Variants in MCTP1 observed in about 807,000 individuals in gnomAD.
The protein encoded by MCTP1 is multiple C2 and transmembrane domain-containing protein 1.
Under a neutral mutation model 120.6 loss-of-function variants are expected in MCTP1, and 69 were observed. The ratio of observed to expected loss-of-function variants is 0.57; its 90% CI spans 0.47 to 0.70. The LOEUF is 0.70. Ranked by LOEUF, MCTP1 falls within the 30% of genes least tolerant of loss-of-function variation. The pLI, the probability that MCTP1 is intolerant of heterozygous loss-of-function variation, is 0.00. For missense variants in MCTP1, 1,203 were observed against 1,248.8 expected (o/e 0.96, Z 0.55); for synonymous variants, 529 against 493.1 (o/e 1.07, Z -0.96).
chr5:94,743,924 C>T (rs1766241581), intron 19 of MCTP1, among the ~76,000 whole-genome samples: 1 of 151,942 alleles, frequency 6.6e-6, no homozygotes, highest in Non-Finnish European at 1.5e-5. Context: ...CAGGTGTGAG[C>T]CACTGTGCCC....
At chr5:95,175,534 T>A (rs1747862212) in intron 1 of MCTP1, among the ~76,000 whole-genome samples, 1 of 152,122 alleles carries the variant, frequency 6.6e-6, no homozygotes, top group Non-Finnish European at 1.5e-5. Context: ...ATTAAAAGAA[T>A]ATCCAAAGTA....
intron 1 of MCTP1, among the ~76,000 whole-genome samples, chr5:95,226,898 C>A (rs1170051006): frequency 6.6e-6 from 1 of 151,960 alleles, no homozygotes; most frequent in African/African-American, 2.4e-5. Flanking sequence ...ATTAACAAAA[C>A]AGCTATGCAA....
chr5:94,959,659 C>T (rs1823630277), intron 2 of MCTP1, among the ~76,000 whole-genome samples: 1 of 152,116 alleles, frequency 6.6e-6, no homozygotes, highest in Non-Finnish European at 1.5e-5. Flanking sequence ...TGAGTGAACT[C>T]CCATTAACAA....
chr5:94,723,555 G>GTT (rs34151976), intron 19 of MCTP1, among the ~76,000 whole-genome samples: 102 of 149,514 alleles, frequency 6.8e-4, no homozygotes, highest in East Asian at 3.9e-3. Context: ...ACTTGGCAGA[G>GTT]TTTTTTTTTT....
chr5:94,762,065 G>A (rs1646921583), intron 19 of MCTP1, among the ~76,000 whole-genome samples: 1 of 152,162 alleles, frequency 6.6e-6, no homozygotes, highest in Non-Finnish European at 1.5e-5. Flanking sequence ...GGAAAGAAGT[G>A]CCCCAGTGAG....
chr5:94,823,200 T>C (rs1786090302), intron 17 of MCTP1, among the ~76,000 whole-genome samples: 1 of 152,220 alleles, frequency 6.6e-6, no homozygotes, highest in African/African-American at 2.4e-5. Context: ...TTTAAGTTTT[T>C]AATCCATCTC....
At chr5:95,114,826 T>TA (rs1183171109) in intron 1 of MCTP1, among the ~76,000 whole-genome samples, 1 of 152,102 alleles carries the variant, frequency 6.6e-6, no homozygotes, top group Non-Finnish European at 1.5e-5. Context: ...AGGTAGTAAT[T>TA]ACAGTGGGCT....
At chr5:95,219,177 C>G (rs899461328) in intron 1 of MCTP1, among the ~76,000 whole-genome samples, 1 of 151,910 alleles carries the variant, frequency 6.6e-6, no homozygotes. Flanking sequence ...GTCAGGAGAT[C>G]GAGACCATCC....
chr5:94,913,056 T>C, intron 8 of MCTP1, 80 bp from the exon 9 acceptor site: 1 of 921,206 alleles, frequency 1.1e-6, no homozygotes, highest in South Asian at 2.7e-5. Context: ...TTTCTCCTGT[T>C]ATGATTCTTC....
At chr5:95,245,680 T>C (rs1167182603) in intron 1 of MCTP1, among the ~76,000 whole-genome samples, 1 of 150,276 alleles carries the variant, frequency 6.7e-6, no homozygotes, top group Non-Finnish European at 1.5e-5. Context: ...TGAGACTATG[T>C]GAAAAGACCA....
chr5:95,059,004 A>G (rs568995794), intron 1 of MCTP1, among the ~76,000 whole-genome samples: 1 of 152,256 alleles, frequency 6.6e-6, no homozygotes, highest in African/African-American at 2.4e-5. Context: ...AAGCATATAC[A>G]TGCAAGAATT....
intron 1 of MCTP1, among the ~76,000 whole-genome samples, chr5:95,050,584 C>T (rs1745638469): frequency 6.6e-6 from 1 of 152,182 alleles, no homozygotes; most frequent in African/African-American, 2.4e-5. Context: ...ACCCAGGTAT[C>T]ATAGCTTCTC....
intron 15 of MCTP1, 137 bp from the exon 16 acceptor site, chr5:94,870,628 G>A: frequency 7.0e-6 from 5 of 718,730 alleles, no homozygotes; most frequent in Non-Finnish European, 1.2e-5. Flanking sequence ...AATGTATACA[G>A]TTGCACATGC....
chr5:94,973,975 G>A (rs1251393367), intron 2 of MCTP1, among the ~76,000 whole-genome samples: 2 of 152,056 alleles, frequency 1.3e-5, no homozygotes, highest in Admixed American at 1.3e-4. Flanking sequence ...AGGTCATTGT[G>A]AGGGTTTAAT....
chr5:94,795,516 G>A (rs1377020447), intron 18 of MCTP1, among the ~76,000 whole-genome samples: 1 of 152,172 alleles, frequency 6.6e-6, no homozygotes, highest in Admixed American at 6.5e-5. Flanking sequence ...AGCCTAATAG[G>A]CAATGCCGGT....
intron 1 of MCTP1, among the ~76,000 whole-genome samples, chr5:95,039,416 C>T (rs534452226): frequency 4.6e-5 from 7 of 152,164 alleles, no homozygotes; most frequent in East Asian, 3.9e-4. Context: ...CAAGTGTGTG[C>T]GAAAAGTGTG....
At chr5:95,020,393 C>T (rs1412851382) in intron 1 of MCTP1, among the ~76,000 whole-genome samples, 1 of 152,042 alleles carries the variant, frequency 6.6e-6, no homozygotes, top group East Asian at 1.9e-4. Flanking sequence ...CTTCTCCGGA[C>T]TTATATTTAT....
intron 1 of MCTP1, among the ~76,000 whole-genome samples, chr5:95,160,499 G>A (rs1745600031): frequency 1.3e-5 from 2 of 152,100 alleles, no homozygotes; most frequent in South Asian, 4.1e-4. Flanking sequence ...TATAACAAGA[G>A]ACATTATTTC....
At chr5:94,816,075 A>G (rs1015429577) in intron 17 of MCTP1, among the ~76,000 whole-genome samples, 1 of 152,248 alleles carries the variant, frequency 6.6e-6, no homozygotes, top group Non-Finnish European at 1.5e-5. Context: ...GACTTCTCCC[A>G]TAAAAGAAGT....
Sources: allele counts gnomAD v4.1 joint callset (sites outside exome capture counted in the v4.1 genomes callset), GRCh38; gene constraint gnomAD v4.1.1; transcripts MANE v1.5; gene names NCBI Gene and HGNC (gene_info 2026-07-23, HGNC 2026-07-21).